Variants in RPS19 observed in about 807,000 individuals in gnomAD.
RPS19 encodes ribosomal protein S19.
Under a neutral mutation model 20.3 loss-of-function variants are expected in RPS19, and 1 was observed. The ratio of observed to expected loss-of-function variants is 0.05; its 90% CI spans 0.02 to 0.23. RPS19 has a LOEUF of 0.23. RPS19 is among the 10% of genes least tolerant of loss of function. RPS19 has a pLI of 1.00. For synonymous variants in RPS19, 87 were observed against 74.8 expected (o/e 1.16, Z -0.84); for missense variants, 111 against 192.7 (o/e 0.58, Z 2.51).
chr19:41,861,110 A>G lies in RPS19; in HGVS notation c.72-2A>G. 6.2e-7 allele frequency: 1 copy of G among 1,613,010 alleles called. No individual in the cohort carries two copies. Among genetic ancestry groups the G allele is most frequent in the Non-Finnish European group, 8.5e-7 (1 of 1,179,186 alleles). On this transcript the variant is annotated splice_acceptor_variant, in intron 2 of 5. Transcript: ENST00000598742. LOFTEE classifies it high-confidence loss of function. ...GTGCTTTTCCCACTGTTTTGGTCTT[A>G]GGTCCGGGAAGCTGAAAGTCCCCGA...
intron 3 of RPS19, among the ~76,000 whole-genome samples, chr19:41,867,914 CTG>C (rs1279235624): frequency 8.5e-5 from 13 of 152,256 alleles, no homozygotes; most frequent in Non-Finnish European, 1.6e-4. Flanking sequence ...TTGGTTGAGT[CTG>C]TGGATATGAA....
In RPS19 at chr19:41,871,956, GC is replaced by G. The variant is rs1555842137; in HGVS notation, c.*580del. ...GAGCCTCCACCGCAAACTGACCTGT[GC>G]TGCCTACACACTAACTTTCCTGGGC... is the stretch of plus-strand genomic sequence containing the variant. On this transcript the variant is annotated 3_prime_UTR_variant, in exon 6 of 6. Coordinates refer to ENST00000598742, the MANE Select transcript of RPS19 (RefSeq NM_001022.4). 6.2e-6 allele frequency: 1 copy of G among 162,142 alleles called. No individual in the cohort carries two copies. Among genetic ancestry groups the G allele is most frequent in the East Asian group, 1.8e-4 (1 of 5,518 alleles). 10.0% of individuals were successfully genotyped at this position (162,142 alleles called of 1,614,324 possible). A position where few individuals can be genotyped will look rare whatever the true frequency, so the allele number is the denominator to read the frequency against.
At chr19:41,870,423 G>T (rs182829980) in intron 5 of RPS19, among the ~76,000 whole-genome samples, 61 of 152,176 alleles carry the variant, frequency 4.0e-4, no homozygotes, top group African/African-American at 1.4e-3. Flanking sequence ...TAAGGGAGGG[G>T]GGCTGGTTCA....
At chr19:41,867,659 C>G (rs1478866748) in intron 3 of RPS19, among the ~76,000 whole-genome samples, 1 of 152,172 alleles carries the variant, frequency 6.6e-6, no homozygotes, top group East Asian at 1.9e-4. Flanking sequence ...TAGATTAATA[C>G]AGGCCAGACA....
At chr19:41,865,258 G>A (rs946646102) in intron 3 of RPS19, among the ~76,000 whole-genome samples, 1 of 151,708 alleles carries the variant, frequency 6.6e-6, no homozygotes, top group Non-Finnish European at 1.5e-5. Flanking sequence ...CCAGCTACTG[G>A]GGAGGCTGAG....
chr19:41,860,920 C>T (rs1359878601), intron 2 of RPS19, 75 bp downstream of exon 2: 2 of 1,377,986 alleles, frequency 1.5e-6, no homozygotes, highest in Non-Finnish European at 1.0e-6. Context: ...CCAGTGTTTG[C>T]CGGTCCCTGG....
At chr19:41,862,975 T>TG in intron 3 of RPS19, among the ~76,000 whole-genome samples, 1 of 152,212 alleles carries the variant, frequency 6.6e-6, no homozygotes, top group African/African-American at 2.4e-5. Flanking sequence ...GAGTTGTAGT[T>TG]GTGGCAGAAG....
At chr19:41,864,582 C>T (rs1307518648) in intron 3 of RPS19, 3 of 152,388 alleles carry the variant, frequency 2.0e-5, no homozygotes, top group African/African-American at 4.8e-5. Flanking sequence ...CCCTCCCTCT[C>T]GGTCTAGCAG....
intron 3 of RPS19, among the ~76,000 whole-genome samples, chr19:41,865,943 C>A (rs1343704894): frequency 2.7e-4 from 24 of 88,750 alleles, no homozygotes; most frequent in African/African-American, 9.7e-4. Flanking sequence ...AGTGAGACTC[C>A]GTCTTTAAAA....
At chr19:41,866,888 GC>G (rs1451382585) in intron 3 of RPS19, among the ~76,000 whole-genome samples, 1 of 152,082 alleles carries the variant, frequency 6.6e-6, no homozygotes, top group African/African-American at 2.4e-5. Flanking sequence ...GTGGTGGCGG[GC>G]CCCTGTAGTC....
At chr19:41,871,317 T>A (rs1023953506) in intron 5 of RPS19, 34 bp from the exon 6 acceptor site, 1 of 1,612,276 alleles carries the variant, frequency 6.2e-7, no homozygotes, top group African/African-American at 1.3e-5. Flanking sequence ...GAGACCCCCT[T>A]GACTAACTTT....
At chr19:41,864,328 T>C (rs952615556) in intron 3 of RPS19, 1 of 152,268 alleles carries the variant, frequency 6.6e-6, no homozygotes, top group Non-Finnish European at 1.5e-5. Flanking sequence ...ACTTGTGCTA[T>C]GATAGTAGAA....
At chr19:41,867,300 C>T (rs1168154160) in intron 3 of RPS19, among the ~76,000 whole-genome samples, 1 of 151,250 alleles carries the variant, frequency 6.6e-6, no homozygotes, top group Non-Finnish European at 1.5e-5. Context: ...TTGCATATAT[C>T]CTATGTAGAT....
At chr19:41,861,482 G>A (rs1555839278) in intron 3 of RPS19, 2 of 483,782 alleles carry the variant, frequency 4.1e-6, no homozygotes, top group Non-Finnish European at 7.6e-6. Context: ...GCTTACAGGT[G>A]GTTTAATCCT....
chr19:41,863,244 G>A (rs2074051695), intron 3 of RPS19, among the ~76,000 whole-genome samples: 1 of 152,094 alleles, frequency 6.6e-6, no homozygotes, highest in Admixed American at 6.6e-5. Flanking sequence ...AGCTCAAGCG[G>A]TCCTCCCGCC....
intron 3 of RPS19, among the ~76,000 whole-genome samples, chr19:41,865,103 T>A (rs2074071223): frequency 6.6e-6 from 1 of 152,102 alleles, no homozygotes; most frequent in African/African-American, 2.4e-5. Flanking sequence ...TAAGCCTCCA[T>A]TGAAGAACCT....
Position 41,871,502 on chromosome 19 carries a change from C to A in RPS19, c.*125C>A. 1 of 811,690 alleles carries A rather than the reference C, an allele frequency of 1.2e-6. No homozygotes were observed. Among genetic ancestry groups the A allele is most frequent in the South Asian group, 1.4e-5 (1 of 71,824 alleles). 50.3% of individuals were successfully genotyped at this position (811,690 alleles called of 1,614,324 possible). On this transcript the variant is annotated 3_prime_UTR_variant, in exon 6 of 6. Transcript: ENST00000598742. Reference sequence around the variant, plus strand: ...CGCCATCTCAGCTCACTGCAATCTCCGCCTTCTGGGTTCAAATGATTCTCC... The same window carrying A: ...CGCCATCTCAGCTCACTGCAATCTCAGCCTTCTGGGTTCAAATGATTCTCC...
intron 5 of RPS19, 39 bp from the exon 6 acceptor site, chr19:41,871,312 C>T (rs1555841967): frequency 4.3e-6 from 7 of 1,609,702 alleles, no homozygotes; most frequent in Non-Finnish European, 5.1e-6. Flanking sequence ...CAGCAGAGAC[C>T]CCCTTGACTA....
intron 1 of RPS19, chr19:41,860,563 G>A: frequency 6.6e-6 from 4 of 610,230 alleles, no homozygotes; most frequent in Middle Eastern, 3.4e-4. Context: ...CGCAGGGGCC[G>A]GGCTCTGTTA....
Sources: gnomAD v4.1 joint callset for allele counts (sites outside exome capture counted in the v4.1 genomes callset) on GRCh38, gnomAD v4.1.1 for gene constraint, MANE v1.5 for transcripts, NCBI Gene and HGNC (gene_info 2026-07-23, HGNC 2026-07-21) for gene names.